The following TPP2 variants were observed in gnomAD, a reference collection of about 807,000 sequenced individuals.
TPP2 encodes tripeptidyl peptidase 2, also known as tripeptidyl-peptidase 2.
In TPP2, 34 loss-of-function variants were observed where a neutral mutation model predicts 155.9. The ratio of observed to expected loss-of-function variants is 0.22; its 90% CI spans 0.17 to 0.29. The LOEUF (loss-of-function observed/expected upper bound fraction) is 0.29. Among genes scored for constraint, TPP2 ranks in the 10% least tolerant of loss-of-function variants. The probability of loss-of-function intolerance (pLI) is 1.00; values close to 1 mark genes in which losing one functional copy is unlikely to be tolerated. For missense variants in TPP2, 1,028 were observed against 1,522.3 expected, an observed-to-expected ratio of 0.68 and a Z score of 5.40; for synonymous variants, 510 against 529.4, an observed-to-expected ratio of 0.96 and a Z score of 0.50.
At chr13:102,627,277 G>A (rs1289914900) in intron 7 of TPP2, 111 bp downstream of exon 7, 11 of 1,004,936 alleles carry the variant, frequency 1.1e-5, no homozygotes, top group East Asian at 3.1e-5. Context: ...TATATATAGT[G>A]TACAGGACTT....
At chr13:102,648,884 C>T in intron 21 of TPP2, 23 bp from the exon 22 acceptor site, 1 of 1,564,538 alleles carries the variant, frequency 6.4e-7, no homozygotes, top group Non-Finnish European at 8.6e-7. Flanking sequence ...TAACTTTTCC[C>T]AAATGTTGTT....
Position 102,597,083 on chromosome 13 carries a change from C to G in TPP2, c.45C>G (p.Leu15=), listed in dbSNP as rs750613610. ...AGGAGCCCTTCCCTTTTCACGGTCT[C>G]CTGCCGAAGAAGGAGACCGGAGCCG... is the stretch of plus-strand genomic sequence containing the variant. ...ATEEPFPFHG[L]LPKKETGAAS... The change falls in exon 1 of 30, where the codon CTC becomes CTG. Residue 15 remains leucine, a synonymous_variant. Transcript: ENST00000376052. 1.2e-6 allele frequency: 2 copies of G among 1,611,954 alleles called. No homozygotes were observed. The highest frequency in any genetic ancestry group is 1.7e-5 in the Admixed American group (1 of 60,004).
intron 27 of TPP2, among the ~76,000 whole-genome samples, chr13:102,670,488 A>G (rs927104884): frequency 2.0e-5 from 3 of 152,254 alleles, no homozygotes; most frequent in Non-Finnish European, 4.4e-5. Context: ...TTTAGGAAGC[A>G]TAGCCCTGGG....
chr13:102,654,994 G>C, intron 24 of TPP2: 1 of 509,654 alleles, frequency 2.0e-6, no homozygotes, highest in Non-Finnish European at 3.9e-6. Flanking sequence ...CCTTTTCCCA[G>C]TCTCATGTTT....
At chr13:102,667,729 C>G in intron 27 of TPP2, 1 of 985,222 alleles carries the variant, frequency 1.0e-6, no homozygotes, top group Non-Finnish European at 1.2e-6. Flanking sequence ...CCAGGTCTGA[C>G]AAATGCAGAT....
chr13:102,638,257 G>A lies in TPP2; in HGVS notation c.1855G>A (p.Ala619Thr), dbSNP rs142302403. The A allele has an allele frequency of 2.4e-4, 382 of 1,612,472 alleles. No individual in the cohort carries two copies. Among genetic ancestry groups the A allele is most frequent in the Admixed American group, 4.2e-4 (25 of 60,006 alleles). Reference protein sequence around the residue: ...HYTEVCGYDIASPNAGPLFRV... With the variant: ...HYTEVCGYDITSPNAGPLFRV... ...TTTCAAGGTATGTGGCTATGATATA[G>A]CATCCCCTAACGCAGGTCCGCTCTT... Residue 619 changes from alanine to threonine, a missense_variant, in exon 15 of 30, where the codon GCA becomes ACA. By Grantham distance (58) the Ala-to-Thr change is moderately conservative. Coordinates refer to ENST00000376052, the MANE Select transcript of TPP2 (RefSeq NM_001330588.2).
Position 102,636,994 on chromosome 13 carries a change from G to A in TPP2, c.1679-88G>A, listed in dbSNP as rs1057267811. 2.0e-5 allele frequency: 28 copies of A among 1,416,524 alleles called. No homozygotes were observed. In the East Asian group the frequency reaches 3.6e-4, roughly 18 times the overall value. The allele number at this position is 1,416,524 out of a possible 1,614,324, so 87.7% of individuals were successfully genotyped here. The stretch of plus-strand genomic sequence containing the variant: ...ATTTTACAGCCAACCAAACCAAGTC[G>A]CTAAATTTTTTTGGAAAGATGTAAC... On this transcript the variant is annotated intron_variant, in intron 13 of 29. Transcript: ENST00000376052.
At chr13:102,671,155 A>T (rs950350188) in intron 27 of TPP2, among the ~76,000 whole-genome samples, 6 of 152,124 alleles carry the variant, frequency 3.9e-5, no homozygotes, top group African/African-American at 1.2e-4. Context: ...CTGCAAGGGG[A>T]ATAGTATAAA....
intron 8 of TPP2, among the ~76,000 whole-genome samples, chr13:102,629,229 C>A (rs1304621895): frequency 6.6e-6 from 1 of 152,152 alleles, no homozygotes; most frequent in East Asian, 1.9e-4. Flanking sequence ...TAATATTTTA[C>A]TACCTTGTAG....
At chr13:102,663,583 T>A in intron 25 of TPP2, 65 bp from the exon 26 acceptor site, 1 of 1,131,158 alleles carries the variant, frequency 8.8e-7, no homozygotes, top group Non-Finnish European at 1.2e-6. Flanking sequence ...TGTTAAATAA[T>A]AGAGAAGACA....
chr13:102,628,739 G>A (rs1028152912), intron 8 of TPP2, among the ~76,000 whole-genome samples: 13 of 151,878 alleles, frequency 8.6e-5, no homozygotes, highest in African/African-American at 2.9e-4. Flanking sequence ...ATCACTTTAC[G>A]GTCCTCGTAA....
chr13:102,601,198 A>T (rs1010128121), intron 1 of TPP2, among the ~76,000 whole-genome samples: 1 of 152,176 alleles, frequency 6.6e-6, no homozygotes, highest in East Asian at 1.9e-4. Flanking sequence ...AAAAGCAAAG[A>T]TTGTCTTATT....
intron 5 of TPP2, among the ~76,000 whole-genome samples, chr13:102,620,438 T>A (rs1348171688): frequency 2.0e-5 from 3 of 152,208 alleles, no homozygotes; most frequent in Non-Finnish European, 4.4e-5. Context: ...CAGTATATCC[T>A]ATAGGGCTTT....
At chr13:102,663,031 A>G (rs537790019) in intron 25 of TPP2, among the ~76,000 whole-genome samples, 2 of 152,200 alleles carry the variant, frequency 1.3e-5, no homozygotes, top group African/African-American at 4.8e-5. Flanking sequence ...TTAAATAAAT[A>G]TAATAGCTGG....
rs1319948675 is a variant in TPP2 at position 102,676,281 on chromosome 13, T to C, written c.3580-15T>C. On this transcript the variant is annotated splice_polypyrimidine_tract_variant and intron_variant, in intron 28 of 29. Coordinates refer to ENST00000376052, the MANE Select transcript of TPP2 (RefSeq NM_001330588.2). ...ATTATTTTATAAACAAGCTTTATCA[T>C]GTTTTACATTGTAGGTTTTGACATT... 1.3e-6 allele frequency: 2 copies of C among 1,567,330 alleles called. No homozygotes were observed. The highest frequency in any genetic ancestry group is 1.7e-6 in the Non-Finnish European group (2 of 1,152,426).
chr13:102,629,720 A>G, intron 9 of TPP2, 111 bp downstream of exon 9: 1 of 1,369,198 alleles, frequency 7.3e-7, no homozygotes, highest in Non-Finnish European at 9.5e-7. Flanking sequence ...GTACACCTTA[A>G]GTGTGTCCTC....
intron 21 of TPP2, among the ~76,000 whole-genome samples, chr13:102,647,930 T>A (rs1883234509): frequency 6.6e-6 from 1 of 152,202 alleles, no homozygotes; most frequent in Non-Finnish European, 1.5e-5. Flanking sequence ...GTAATATGTA[T>A]AATTTTATGT....
At chr13:102,632,048 G>C (rs553512456) in intron 10 of TPP2, among the ~76,000 whole-genome samples, 2 of 152,286 alleles carry the variant, frequency 1.3e-5, no homozygotes, top group South Asian at 4.1e-4. Flanking sequence ...GAGGTCAGGA[G>C]TTCAAGACCA....
At chr13:102,636,512 T>A in intron 13 of TPP2, 120 bp downstream of exon 13, 1 of 1,210,322 alleles carries the variant, frequency 8.3e-7, no homozygotes, top group Non-Finnish European at 1.1e-6. Context: ...ATTGACAGTA[T>A]GATTATTTTA....
Sources: allele counts gnomAD v4.1 joint callset (sites outside exome capture counted in the v4.1 genomes callset), GRCh38; gene constraint gnomAD v4.1.1; transcripts MANE v1.5; gene names NCBI Gene and HGNC (gene_info 2026-07-23, HGNC 2026-07-21).